The following TG variants were observed in gnomAD, a reference collection of about 807,000 sequenced individuals.
TG encodes thyroid hormones.
TG carries 270 observed loss-of-function variants against 324.7 expected under a neutral mutation model. The ratio of observed to expected loss-of-function variants is 0.83; its 90% CI spans 0.75 to 0.92. The LOEUF is 0.92. Among genes scored for constraint, TG ranks in the 40% least tolerant of loss-of-function variants. The pLI is 0.00. For missense variants in TG, 3,591 were observed against 3,456.4 expected (o/e 1.04, Z -0.98); for synonymous variants, 1,401 against 1,327.0 (o/e 1.06, Z -1.21).
chr8:132,886,219 C>A (rs1235815533), intron 8 of TG, among the ~76,000 whole-genome samples: 1 of 152,168 alleles, frequency 6.6e-6, no homozygotes, highest in Non-Finnish European at 1.5e-5. Context: ...CTAGTGAGAG[C>A]TGGTGGAGTG....
In TG at chr8:132,906,642, C is replaced by T. The variant is rs368052644; in HGVS notation, c.3635-46C>T. 4.2e-5 allele frequency: 68 copies of T among 1,608,834 alleles called. No individual in the cohort carries two copies. The Middle Eastern group carries it at 5.8e-4, about 14-fold the overall frequency. On this transcript the variant is annotated intron_variant, in intron 16 of 47. Transcript: ENST00000220616. ...CACAAGCAGGCATGCTCAGTCGTCC[C>T]GAGGCTGGGCAGGTGCCCACCACGG...
chr8:132,922,779 C>A (rs576697805), intron 21 of TG, among the ~76,000 whole-genome samples: 1 of 152,184 alleles, frequency 6.6e-6, no homozygotes, highest in Non-Finnish European at 1.5e-5. Flanking sequence ...AATGAGCCCC[C>A]TTGGGCCTCT....
chr8:133,085,493 C>G (rs1305346582), intron 41 of TG, among the ~76,000 whole-genome samples: 1 of 152,122 alleles, frequency 6.6e-6, no homozygotes, highest in Non-Finnish European at 1.5e-5. Flanking sequence ...ATAAAGAACA[C>G]TTACAACTCA....
Position 132,887,551 on chromosome 8 carries a change from A to G in TG, c.2176+3A>G, listed in dbSNP as rs774983397. 2 of 1,614,182 alleles carry G rather than the reference A, an allele frequency of 1.2e-6. No homozygotes were observed. On this transcript the variant is annotated splice_donor_region_variant and intron_variant, in intron 9 of 47. Coordinates refer to ENST00000220616, the MANE Select transcript of TG (RefSeq NM_003235.5). The stretch of plus-strand genomic sequence containing the variant: ...TGCAATAGGGAAGCCCAAGAAATGT[A>G]AGTCTGTTGGGTATTCAATCTGTAG...
intron 5 of TG, among the ~76,000 whole-genome samples, chr8:132,877,453 G>A (rs965583990): frequency 1.3e-5 from 2 of 152,116 alleles, no homozygotes; most frequent in African/African-American, 4.8e-5. Context: ...CTCTTTTAAG[G>A]AGCACCCTCC....
chr8:132,959,714 T>C (rs1403546116), intron 27 of TG, among the ~76,000 whole-genome samples: 5 of 152,340 alleles, frequency 3.3e-5, no homozygotes, highest in South Asian at 4.1e-4. Flanking sequence ...AATTCTTGCA[T>C]TAACCTTTCT....
At chr8:133,126,644 C>T (rs1037214875) in intron 45 of TG, among the ~76,000 whole-genome samples, 4 of 152,120 alleles carry the variant, frequency 2.6e-5, no homozygotes, top group Admixed American at 1.3e-4. Context: ...AGCAAATTCT[C>T]TTGTAAAACA....
intron 24 of TG, among the ~76,000 whole-genome samples, chr8:132,935,096 C>T (rs1055257121): frequency 6.6e-6 from 1 of 151,798 alleles, no homozygotes; most frequent in Non-Finnish European, 1.5e-5. Context: ...GCTGTTTCCT[C>T]TGCTTAAAAT....
At position 132,948,947 on chromosome 8, in the gene TG, A is replaced by G; in HGVS notation, c.5401+4A>G. The G allele has an allele frequency of 6.2e-7, 1 of 1,612,936 alleles. No individual in the cohort carries two copies. The highest frequency in any genetic ancestry group is 8.5e-7 in the Non-Finnish European group (1 of 1,179,940). On this transcript the variant is annotated splice_donor_region_variant and intron_variant, in intron 27 of 47. Transcript: ENST00000220616. The stretch of plus-strand genomic sequence containing the variant: ...GGAGACCAGGAGTTCATCAAGAGTA[A>G]GTCTTTGCCATTTGTCCATATTCTT...
rs567026110 is a variant in TG, at chr8:133,027,704, T to C, written c.7037-2117T>C. Among the ~76,000 whole-genome samples, 217 of 152,354 alleles carry C rather than the reference T, an allele frequency of 1.4e-3. 2 individuals are homozygous for C. Among genetic ancestry groups the C allele is most frequent in the African/African-American group, 5.1e-3 (211 of 41,584 alleles). On this transcript the variant is annotated intron_variant, in intron 40 of 47. Transcript: ENST00000220616. ...CACTGAAAATTTTTAATGCACATCA[T>C]AGATTTTTCAACAAATGTTTATTGA...
chr8:133,086,770 G>C (rs1846633106), intron 41 of TG, among the ~76,000 whole-genome samples: 1 of 152,092 alleles, frequency 6.6e-6, no homozygotes, highest in Admixed American at 6.5e-5. Flanking sequence ...ACAATCCTAT[G>C]GGGAAGCTCT....
chr8:132,962,986 C>T lies in TG; in HGVS notation c.5468-8C>T. 1 of 1,613,418 alleles carries T rather than the reference C, an allele frequency of 6.2e-7. No individual in the cohort carries two copies. The highest frequency in any genetic ancestry group is 8.5e-7 in the Non-Finnish European group (1 of 1,179,526). On this transcript the variant is annotated splice_region_variant and splice_polypyrimidine_tract_variant and intron_variant, in intron 28 of 47. Transcript: ENST00000220616. ...CAACATTGCAACAACTCTTTTTTTTCCTCCTAGATTCTGACATGGGGTCTC... is the reference window on the plus strand; with the variant it reads ...CAACATTGCAACAACTCTTTTTTTTTCTCCTAGATTCTGACATGGGGTCTC...
chr8:133,106,486 G>A (rs529802935), intron 43 of TG: 1 of 984,724 alleles, frequency 1.0e-6, no homozygotes, highest in East Asian at 1.1e-4. Context: ...GGTAGGGTGA[G>A]GCTCTCCCAG....
At chr8:132,977,644 A>G (rs1372305566) in intron 34 of TG, among the ~76,000 whole-genome samples, 12 of 152,210 alleles carry the variant, frequency 7.9e-5, no homozygotes, top group Admixed American at 6.5e-4. Context: ...GAAATTGTGC[A>G]GGGAAACTCC....
chr8:133,019,512 G>A, intron 38 of TG, 90 bp from the exon 39 acceptor site: 2 of 1,092,992 alleles, frequency 1.8e-6, no homozygotes, highest in Non-Finnish European at 1.4e-6. Context: ...GCCAGGCTTT[G>A]GAATGGGGTA....
intron 45 of TG, among the ~76,000 whole-genome samples, chr8:133,129,724 T>C (rs1177355015): frequency 6.6e-6 from 1 of 152,164 alleles, no homozygotes; most frequent in East Asian, 1.9e-4. Flanking sequence ...TTTGAACTCC[T>C]GAGCTCAAGC....
chr8:133,036,732 A>G (rs1036418527), intron 41 of TG: 1 of 152,660 alleles, frequency 6.6e-6, no homozygotes, highest in African/African-American at 2.4e-5. Context: ...CCTGTGTGCC[A>G]AGGGTTAAAT....
intron 41 of TG, chr8:133,048,005 C>A (rs909513918): frequency 1.2e-6 from 1 of 856,496 alleles, no homozygotes; most frequent in Non-Finnish European, 1.9e-6. Flanking sequence ...ATGCGCCACC[C>A]ACCGTACTAA....
intron 35 of TG, among the ~76,000 whole-genome samples, chr8:132,989,195 C>T (rs976159748): frequency 6.6e-6 from 1 of 152,182 alleles, no homozygotes; most frequent in Non-Finnish European, 1.5e-5. Context: ...CACTGGGTCC[C>T]TCCCACAACA....
Sources: gnomAD v4.1 joint callset for allele counts (sites outside exome capture counted in the v4.1 genomes callset) on GRCh38, gnomAD v4.1.1 for gene constraint, MANE v1.5 for transcripts, NCBI Gene and HGNC (gene_info 2026-07-23, HGNC 2026-07-21) for gene names.